The following SLF1 variants were observed in gnomAD, a reference collection of about 807,000 sequenced individuals.
SLF1 encodes SMC5/6 complex localization factor 1, also known as SMC5-SMC6 complex localization factor protein 1.
In SLF1, 105 loss-of-function variants were observed where a neutral mutation model predicts 123.0. The observed-to-expected ratio is 0.85, with a 90% CI of 0.73 to 1.00. SLF1 has a LOEUF of 1.00. Among genes scored for constraint, SLF1 ranks in the 50% least tolerant of loss-of-function variants. SLF1 has a pLI of 0.00. For missense variants in SLF1, 1,239 were observed against 1,223.0 expected, an observed-to-expected ratio of 1.01 and a Z score of -0.20; for synonymous variants, 434 against 406.6, an observed-to-expected ratio of 1.07 and a Z score of -0.81.
At chr5:94,631,395 G>C (rs1357983172) in intron 4 of SLF1, among the ~76,000 whole-genome samples, 1 of 151,946 alleles carries the variant, frequency 6.6e-6, no homozygotes, top group African/African-American at 2.4e-5. Flanking sequence ...ATGTTCTCTT[G>C]TGTCCTTGAA....
chr5:94,636,109 C>A (rs528362082), intron 4 of SLF1, among the ~76,000 whole-genome samples: 8 of 152,256 alleles, frequency 5.3e-5, no homozygotes, highest in African/African-American at 1.9e-4. Context: ...TATATCATAG[C>A]CCTCTTTCCT....
At chr5:94,638,006 A>G (rs1448393175) in intron 4 of SLF1, among the ~76,000 whole-genome samples, 1 of 152,150 alleles carries the variant, frequency 6.6e-6, no homozygotes, top group East Asian at 1.9e-4. Flanking sequence ...GAGGCTGCCC[A>G]TCTAGAGATT....
In SLF1 at chr5:94,694,908, G is replaced by T. The variant is rs376414156; in HGVS notation, c.2773G>T (p.Glu925Ter). The change falls in exon 21 of 21, where the codon GAA becomes TAA. Residue 925 changes from glutamate (E) to a stop codon, truncating the protein, a stop_gained. Transcript: ENST00000265140. LOFTEE classifies it high-confidence loss of function. Reference sequence around the variant, plus strand: ...TGTGGTTTCACCTCAAATCAAAGAAGAACTGTTTGCTATTACAAAAATAGA... The same window carrying T: ...TGTGGTTTCACCTCAAATCAAAGAATAACTGTTTGCTATTACAAAAATAGA... ...DYVVSPQIKE[E>*]LFAITKIEDT... is the part of the protein sequence containing the mutation. 8.1e-6 allele frequency: 13 copies of T among 1,611,498 alleles called. No individual in the cohort carries two copies. The highest frequency in any genetic ancestry group is 1.3e-5 in the African/African-American group (1 of 74,754).
intron 1 of SLF1, among the ~76,000 whole-genome samples, chr5:94,620,497 GT>G (rs1364194579): frequency 3.3e-5 from 5 of 152,150 alleles, no homozygotes; most frequent in African/African-American, 4.8e-5. Flanking sequence ...AAAACATTGC[GT>G]TTTGGGAAAC....
intron 5 of SLF1, among the ~76,000 whole-genome samples, chr5:94,643,994 T>C (rs1417914154): frequency 6.6e-6 from 1 of 152,148 alleles, no homozygotes; most frequent in African/African-American, 2.4e-5. Flanking sequence ...GTAGATACCA[T>C]TATGTTTTAT....
At position 94,688,587 on chromosome 5, in the gene SLF1, C is replaced by A; in HGVS notation, c.2203C>A (p.Arg735=). ...KIQVSKKIGQ[R]PCFDSQRTLL... is the part of the protein sequence containing the mutation. ...TCAGGTGTCAAAGAAAATAGGACAG[C>A]GGCCTTGTTTTGACTCTCAGAGAAC... Residue 735 remains arginine, a synonymous_variant, in exon 17 of 21, where the codon CGG becomes AGG. Coordinates refer to ENST00000265140, the MANE Select transcript of SLF1 (RefSeq NM_032290.4). 6.2e-7 allele frequency: 1 copy of A among 1,613,966 alleles called. No homozygotes were observed. Among genetic ancestry groups the A allele is most frequent in the Non-Finnish European group, 8.5e-7 (1 of 1,179,922 alleles).
intron 1 of SLF1, among the ~76,000 whole-genome samples, chr5:94,626,232 G>A (rs1337846540): frequency 7.0e-6 from 1 of 142,862 alleles, no homozygotes; most frequent in Admixed American, 7.2e-5. Context: ...CAGCCTGGGC[G>A]ACAGAGTGAG....
chr5:94,658,162 G>GT (rs202152246), intron 9 of SLF1, among the ~76,000 whole-genome samples: 15,002 of 126,518 alleles, frequency 0.12, 912 homozygotes, highest in African/African-American at 0.19. Flanking sequence ...GGTGTTTTTT[G>GT]TTTTTTTTTT....
At chr5:94,684,046 CATATTAATACTTT>C (rs553566656) in intron 15 of SLF1, among the ~76,000 whole-genome samples, 226 of 152,252 alleles carry the variant, frequency 1.5e-3, no homozygotes, top group African/African-American at 5.2e-3. Flanking sequence ...GTCGACCTGT[CATATTAATACTTT>C]GTATTCCTTA....
At chr5:94,652,165 G>A (rs1221835740) in intron 7 of SLF1, among the ~76,000 whole-genome samples, 2 of 151,796 alleles carry the variant, frequency 1.3e-5, no homozygotes, top group Non-Finnish European at 2.9e-5. Flanking sequence ...ACACCACCAC[G>A]CCTGGCTAAT....
In SLF1 at chr5:94,678,822, A is replaced by C; in HGVS notation, c.1842A>C (p.Glu614Asp). The C allele has an allele frequency of 6.2e-7, 1 of 1,612,946 alleles. No individual in the cohort carries two copies. Among genetic ancestry groups the C allele is most frequent in the Non-Finnish European group, 8.5e-7 (1 of 1,179,206 alleles). Residue 614 changes from glutamate (E) to aspartate (D), a missense_variant, in exon 15 of 21, where the codon GAA (glutamate) becomes GAC (aspartate). By Grantham distance (45) the Glu-to-Asp change is conservative. Transcript: ENST00000265140. ...CTTAATGTTAGGTCTTCAAACATGA[A>C]CTAGCTTACTTATTGGCTGGAATTC... ...KFKSNDVFKH[E>D]LAYLLAGILG...
chr5:94,669,848 A>G (rs147483754), intron 12 of SLF1, among the ~76,000 whole-genome samples: 1 of 152,100 alleles, frequency 6.6e-6, no homozygotes, highest in East Asian at 1.9e-4. Context: ...TGAAATCTAT[A>G]ATCTTTGTTC....
At position 94,695,310 on chromosome 5, in the gene SLF1, T is replaced by C; in HGVS notation, c.3175T>C (p.Ter1059ArgextTer1). The C allele has an allele frequency of 6.2e-7, 1 of 1,601,756 alleles. No individual in the cohort carries two copies. ...MMCRSVMEFS* is the reference protein window; with the variant it reads ...MMCRSVMEFSR ...GTGTCGGTCAGTCATGGAGTTTTCA[T>C]GATGATGCTAGAAAGTATGGATTGA... Residue 1059 changes from the stop codon to arginine, a stop_lost, in exon 21 of 21, where the codon TGA becomes CGA. Transcript: ENST00000265140.
chr5:94,630,381 T>C (rs897008819), intron 3 of SLF1, 122 bp from the exon 4 acceptor site: 3 of 1,165,208 alleles, frequency 2.6e-6, no homozygotes, highest in Non-Finnish European at 3.5e-6. Flanking sequence ...TCAAAGATAA[T>C]GTTAGCAGCA....
At chr5:94,654,879 CTTAG>C (rs1748193202) in intron 9 of SLF1, 127 bp downstream of exon 9, 2 of 728,172 alleles carry the variant, frequency 2.7e-6, no homozygotes, top group Non-Finnish European at 3.7e-6. Flanking sequence ...AAATGATTTT[CTTAG>C]TTTATTAGTC....
Position 94,651,823 on chromosome 5 carries a change from GA to G in SLF1, c.862del (p.Ser288AlafsTer23). 6.8e-7 allele frequency: 1 copy of G among 1,463,304 alleles called. No homozygotes were observed. The highest frequency in any genetic ancestry group is 9.2e-7 in the Non-Finnish European group (1 of 1,092,552). 90.6% of individuals were successfully genotyped at this position (1,463,304 alleles called of 1,614,324 possible). ...LKFVKMRNTF[G>X]SHTYENQKEI... Reference sequence around the variant, plus strand: ...TTTGTTAAAATGAGAAATACCTTTGGAAGCCATACATATGAAAATCAGGTAC... The same window carrying G: ...TTTGTTAAAATGAGAAATACCTTTGGAGCCATACATATGAAAATCAGGTAC... On this transcript the variant is annotated frameshift_variant, in exon 7 of 21. Transcript: ENST00000265140. LOFTEE classifies it high-confidence loss of function.
At chr5:94,674,825 T>G (rs1464964062) in intron 14 of SLF1, among the ~76,000 whole-genome samples, 1 of 152,194 alleles carries the variant, frequency 6.6e-6, no homozygotes, top group Non-Finnish European at 1.5e-5. Context: ...GAGGTACAAT[T>G]TTTACTAGTC....
At chr5:94,647,577 T>C (rs1406165541) in intron 5 of SLF1, among the ~76,000 whole-genome samples, 1 of 152,210 alleles carries the variant, frequency 6.6e-6, no homozygotes, top group Non-Finnish European at 1.5e-5. Context: ...GCACTATACT[T>C]TACAAAATAT....
chr5:94,667,858 C>T (rs1371372847), intron 12 of SLF1, among the ~76,000 whole-genome samples: 1 of 152,144 alleles, frequency 6.6e-6, no homozygotes, highest in Non-Finnish European at 1.5e-5. Flanking sequence ...AGGTGATCCT[C>T]CCGCCTCAGC....
Sources: gnomAD v4.1 joint callset for allele counts (sites outside exome capture counted in the v4.1 genomes callset) on GRCh38, gnomAD v4.1.1 for gene constraint, MANE v1.5 for transcripts, NCBI Gene and HGNC (gene_info 2026-07-23, HGNC 2026-07-21) for gene names.